The following WWOX variants were observed in gnomAD, a reference collection of about 807,000 sequenced individuals.
WWOX encodes WW domain containing oxidoreductase, also known as WW domain-containing oxidoreductase.
WWOX carries 69 observed loss-of-function variants against 46.2 expected under a neutral mutation model. The observed-to-expected ratio is 1.49, with a 90% CI of 1.23 to 1.82. The LOEUF (loss-of-function observed/expected upper bound fraction) is 1.82, where lower values mean the gene tolerates loss of function less well. WWOX is among the 40% of genes most tolerant of loss of function. The pLI, the probability that WWOX is intolerant of heterozygous loss-of-function variation, is 0.00. For missense variants in WWOX, 919 were observed against 542.6 expected, an observed-to-expected ratio of 1.69 and a Z score of -6.89; for synonymous variants, 359 against 202.6, an observed-to-expected ratio of 1.77 and a Z score of -6.56.
intron 8 of WWOX, among the ~76,000 whole-genome samples, chr16:78,655,186 A>G (rs1192065906): frequency 6.6e-6 from 1 of 152,068 alleles, no homozygotes; most frequent in African/African-American, 2.4e-5. Flanking sequence ...GCAGTCTGAG[A>G]GTGAAACTGA....
chr16:79,050,979 AACACAAGAC>A, intron 8 of WWOX, among the ~76,000 whole-genome samples: 1 of 152,212 alleles, frequency 6.6e-6, no homozygotes, highest in African/African-American at 2.4e-5. Context: ...GCTCCTTGTG[AACACAAGAC>A]ACTGACCCAA....
rs191606135 is a variant in WWOX, at chr16:78,788,605, C to G, written c.1056+355853C>G. Among the ~76,000 whole-genome samples the G allele has an allele frequency of 2.0e-5, 3 of 152,324 alleles. No individual in the cohort carries two copies. The East Asian group carries it at 5.8e-4, about 29-fold the overall frequency. ...GGCTGGAAAGCTCCATGCCCCTACCCCATACCTCGCCCTATGTGTCTTTTC... is the reference window on the plus strand; with the variant it reads ...GGCTGGAAAGCTCCATGCCCCTACCGCATACCTCGCCCTATGTGTCTTTTC... On this transcript the variant is annotated intron_variant, in intron 8 of 8. Transcript: ENST00000566780.
intron 8 of WWOX, among the ~76,000 whole-genome samples, chr16:78,567,199 C>T (rs138752001): frequency 0.011 from 1,630 of 152,264 alleles, 10 homozygotes; most frequent in Non-Finnish European, 0.017. Flanking sequence ...CATGTCCTGA[C>T]GCTTTCCCAA....
intron 8 of WWOX, among the ~76,000 whole-genome samples, chr16:79,131,032 C>G (rs1194223281): frequency 6.6e-6 from 1 of 152,164 alleles, no homozygotes; most frequent in Non-Finnish European, 1.5e-5. Context: ...ATATCACAAC[C>G]AGAACACACA....
chr16:79,060,274 T>C (rs1021237484), intron 8 of WWOX, among the ~76,000 whole-genome samples: 5 of 152,344 alleles, frequency 3.3e-5, no homozygotes, highest in African/African-American at 1.2e-4. Context: ...ATTGCAAAAA[T>C]ACTACAATGC....
At chr16:78,715,393 A>C (rs1334005924) in intron 8 of WWOX, among the ~76,000 whole-genome samples, 1 of 152,124 alleles carries the variant, frequency 6.6e-6, no homozygotes, top group Non-Finnish European at 1.5e-5. Flanking sequence ...CTGGGATCGT[A>C]GATGGCCACC....
At chr16:78,351,967 T>A (rs915367498) in intron 5 of WWOX, among the ~76,000 whole-genome samples, 2 of 152,268 alleles carry the variant, frequency 1.3e-5, no homozygotes, top group African/African-American at 4.8e-5. Flanking sequence ...GTATGTTTGT[T>A]TTTCTTCAAA....
intron 8 of WWOX, among the ~76,000 whole-genome samples, chr16:78,885,355 C>G (rs910921655): frequency 1.3e-5 from 2 of 152,104 alleles, no homozygotes; most frequent in South Asian, 2.1e-4. Flanking sequence ...TTCCTGTCAG[C>G]TCAGTACAAG....
intron 5 of WWOX, among the ~76,000 whole-genome samples, chr16:78,371,615 A>G (rs1211706680): frequency 6.6e-6 from 1 of 152,192 alleles, no homozygotes; most frequent in Non-Finnish European, 1.5e-5. Context: ...TATTTGGCAC[A>G]TGCAAGTTCA....
intron 8 of WWOX, among the ~76,000 whole-genome samples, chr16:78,727,964 A>G (rs1172110420): frequency 6.6e-6 from 1 of 151,748 alleles, no homozygotes; most frequent in Non-Finnish European, 1.5e-5. Context: ...AAATAGAAAT[A>G]GTCAAATTCT....
intron 8 of WWOX, among the ~76,000 whole-genome samples, chr16:78,487,579 G>A (rs867686623): frequency 6.6e-6 from 1 of 152,122 alleles, no homozygotes; most frequent in African/African-American, 2.4e-5. Context: ...GAGGCTTCGT[G>A]CTGTTAATAT....
At chr16:78,940,137 A>G (rs1027640192) in intron 8 of WWOX, among the ~76,000 whole-genome samples, 4 of 152,214 alleles carry the variant, frequency 2.6e-5, no homozygotes, top group Admixed American at 6.5e-5. Flanking sequence ...GGACAATAAT[A>G]TATTTTTTCT....
intron 8 of WWOX, among the ~76,000 whole-genome samples, chr16:78,723,008 C>G (rs1330982672): frequency 1.3e-5 from 2 of 152,084 alleles, no homozygotes; most frequent in African/African-American, 4.8e-5. Context: ...CACTGGAGCA[C>G]TCCAGCCTGG....
rs1356454999 is a variant in WWOX, at chr16:78,215,512, G to A, written c.516+51223G>A. Among the ~76,000 whole-genome samples, 8 of 152,266 alleles carry A rather than the reference G, an allele frequency of 5.3e-5. No individual in the cohort carries two copies. The East Asian group carries it at 1.4e-3, about 26-fold the overall frequency. On this transcript the variant is annotated intron_variant, in intron 5 of 8. Transcript: ENST00000566780. ...CGAAGAAGGTGCTTGCTTCTGCTTT[G>A]CCTTCTGCCATGATTGTAAGTTTCC...
chr16:78,605,801 GTTAAAT>G (rs2045742670), intron 8 of WWOX, among the ~76,000 whole-genome samples: 2 of 152,154 alleles, frequency 1.3e-5, no homozygotes, highest in African/African-American at 4.8e-5. Context: ...GGCACTCATG[GTTAAAT>G]TGAACCTTTC....
intron 8 of WWOX, among the ~76,000 whole-genome samples, chr16:78,520,525 T>A (rs1052925966): frequency 6.6e-6 from 1 of 152,132 alleles, no homozygotes; most frequent in Non-Finnish European, 1.5e-5. Flanking sequence ...GAAACACAGC[T>A]TGAATAAATG....
chr16:79,182,839 G>T (rs1444652957), intron 8 of WWOX, among the ~76,000 whole-genome samples: 1 of 152,180 alleles, frequency 6.6e-6, no homozygotes, highest in African/African-American at 2.4e-5. Flanking sequence ...AATATATGTG[G>T]GTGGGTGTGT....
intron 5 of WWOX, among the ~76,000 whole-genome samples, chr16:78,216,656 G>A (rs1180858068): frequency 6.6e-6 from 1 of 151,676 alleles, no homozygotes; most frequent in Admixed American, 6.6e-5. Flanking sequence ...CTCTTCTCCT[G>A]CTTTTTTTTT....
At chr16:78,220,166 G>A (rs751369868) in intron 5 of WWOX, among the ~76,000 whole-genome samples, 1 of 152,136 alleles carries the variant, frequency 6.6e-6, no homozygotes, top group Admixed American at 6.5e-5. Flanking sequence ...TCTAGAACAT[G>A]TTGGGATTTT....
Sources: allele counts gnomAD v4.1 joint callset (sites outside exome capture counted in the v4.1 genomes callset), GRCh38; gene constraint gnomAD v4.1.1; transcripts MANE v1.5; gene names NCBI Gene and HGNC (gene_info 2026-07-23, HGNC 2026-07-21).